Variants in ZBTB44 observed in about 807,000 individuals in gnomAD.
The protein encoded by ZBTB44 is zinc finger and BTB domain containing 44, also known as zinc finger and BTB domain-containing protein 44.
A neutral mutation model predicts 54.0 loss-of-function variants in ZBTB44; 15 were observed. That is an observed-to-expected ratio of 0.28 (90% CI 0.19 to 0.43). The LOEUF is 0.43. Ranked by LOEUF, ZBTB44 falls within the 20% of genes least tolerant of loss-of-function variation. The pLI is 1.00. For missense variants in ZBTB44, 487 were observed against 707.1 expected (o/e 0.69, Z 3.53); for synonymous variants, 230 against 250.1 (o/e 0.92, Z 0.76).
chr11:130,264,851 A>G (rs1232895171), intron 1 of ZBTB44, among the ~76,000 whole-genome samples: 1 of 152,172 alleles, frequency 6.6e-6, no homozygotes, highest in African/African-American at 2.4e-5. Context: ...ATTTGTGGCA[A>G]CCCTGCTGTC....
chr11:130,290,899 T>C (rs1244282978), intron 1 of ZBTB44, among the ~76,000 whole-genome samples: 1 of 152,240 alleles, frequency 6.6e-6, no homozygotes, highest in Non-Finnish European at 1.5e-5. Flanking sequence ...CTCGCTATTT[T>C]ATAATCTCTC....
intron 2 of ZBTB44, among the ~76,000 whole-genome samples, chr11:130,241,748 T>G (rs1378335421): frequency 6.6e-6 from 1 of 152,224 alleles, no homozygotes; most frequent in Non-Finnish European, 1.5e-5. Context: ...TTTTTGGTCT[T>G]GTTTTTAAAA....
In ZBTB44 at chr11:130,245,894, C is replaced by T. The variant is rs141083663; in HGVS notation, c.1019-5998G>A. On this transcript the variant is annotated intron_variant, in intron 2 of 7. Transcript: ENST00000357899. ...AAGCTGGTTGAAAAGAACTAAAATG[C>T]AGTACAAGATACATCTAGCAGATGG... is the stretch of plus-strand genomic sequence containing the variant. Among the ~76,000 whole-genome samples the T allele has an allele frequency of 2.8e-3, 434 of 152,318 alleles. 2 individuals are homozygous for T. The highest frequency in any genetic ancestry group is 4.2e-3 in the Non-Finnish European group (284 of 68,012).
chr11:130,283,583 TA>T (rs1940697312), intron 1 of ZBTB44, among the ~76,000 whole-genome samples: 1 of 152,196 alleles, frequency 6.6e-6, no homozygotes, highest in African/African-American at 2.4e-5. Context: ...TCATTTTTAA[TA>T]AACACAATTA....
In ZBTB44 at chr11:130,227,462, G is replaced by A. The variant is rs1054067230; in HGVS notation, c.*4302C>T. 1 of 149,780 alleles carries A rather than the reference G, an allele frequency of 6.7e-6. No individual in the cohort carries two copies. Among genetic ancestry groups the A allele is most frequent in the Admixed American group, 6.6e-5 (1 of 15,126 alleles). 9.3% of individuals were successfully genotyped at this position (149,780 alleles called of 1,614,324 possible). ...TTTCTCCCCTGCATCACCTTCCCTT[G>A]AGAGTTTCACAAAATGCCAGTGCCC... is the stretch of plus-strand genomic sequence containing the variant. On this transcript the variant is annotated 3_prime_UTR_variant, in exon 8 of 8. Coordinates refer to ENST00000357899, the MANE Select transcript of ZBTB44 (RefSeq NM_001301098.2).
intron 1 of ZBTB44, among the ~76,000 whole-genome samples, chr11:130,310,826 T>C (rs1033452843): frequency 1.3e-5 from 2 of 152,088 alleles, no homozygotes; most frequent in African/African-American, 4.8e-5. Flanking sequence ...CACTGCAACC[T>C]CCCCGGTTCA....
intron 1 of ZBTB44, among the ~76,000 whole-genome samples, chr11:130,295,314 T>A (rs757787864): frequency 6.6e-6 from 1 of 151,920 alleles, no homozygotes; most frequent in South Asian, 2.1e-4. Flanking sequence ...GTGGAAGATA[T>A]AAAACCTAAA....
chr11:130,292,711 A>G (rs984722368), intron 1 of ZBTB44, among the ~76,000 whole-genome samples: 4 of 152,222 alleles, frequency 2.6e-5, no homozygotes, highest in East Asian at 1.9e-4. Flanking sequence ...ACAACATACA[A>G]ACGTTTTGCA....
intron 1 of ZBTB44, among the ~76,000 whole-genome samples, chr11:130,275,342 T>A (rs546165905): frequency 2.6e-5 from 4 of 152,180 alleles, no homozygotes; most frequent in African/African-American, 2.4e-5. Flanking sequence ...TTTTCTTTTT[T>A]AAAATACATT....
At chr11:130,253,399 A>G (rs1938184794) in intron 2 of ZBTB44, among the ~76,000 whole-genome samples, 1 of 152,230 alleles carries the variant, frequency 6.6e-6, no homozygotes, top group South Asian at 2.1e-4. Flanking sequence ...ATGTGCAAAA[A>G]TCACAAGCAT....
At chr11:130,303,819 G>A (rs1270177650) in intron 1 of ZBTB44, among the ~76,000 whole-genome samples, 1 of 151,720 alleles carries the variant, frequency 6.6e-6, no homozygotes, top group South Asian at 2.1e-4. Flanking sequence ...GTATTAAAAG[G>A]GAAGAATATT....
In ZBTB44 at chr11:130,226,865, C is replaced by A. The variant is rs1332331419; in HGVS notation, c.*4899G>T. 2 of 151,846 alleles carry A rather than the reference C, an allele frequency of 1.3e-5. No homozygotes were observed. The highest frequency in any genetic ancestry group is 2.4e-5 in the African/African-American group (1 of 41,334). 9.4% of individuals were successfully genotyped at this position (151,846 alleles called of 1,614,324 possible). A position where few individuals can be genotyped will look rare whatever the true frequency, so the allele number is the denominator to read the frequency against. On this transcript the variant is annotated 3_prime_UTR_variant, in exon 8 of 8. Coordinates refer to ENST00000357899, the MANE Select transcript of ZBTB44 (RefSeq NM_001301098.2). The stretch of plus-strand genomic sequence containing the variant: ...ATTTTTTTTTTAAAAAAAGTTTAAA[C>A]CTTTTTTAAAAAGATTAAACAATCA...
chr11:130,287,965 C>CAAAA (rs535420591), intron 1 of ZBTB44, among the ~76,000 whole-genome samples: 1 of 86,462 alleles, frequency 1.2e-5, no homozygotes, highest in South Asian at 3.5e-4. Context: ...TTTTCTCAGA[C>CAAAA]AAAAAAAAAA....
intron 1 of ZBTB44, among the ~76,000 whole-genome samples, chr11:130,277,608 C>A (rs1178077000): frequency 2.6e-5 from 4 of 152,030 alleles, no homozygotes; most frequent in Non-Finnish European, 4.4e-5. Flanking sequence ...TATGTATATA[C>A]ATATAAAATA....
chr11:130,268,878 C>T (rs1939461597), intron 1 of ZBTB44, among the ~76,000 whole-genome samples: 1 of 150,890 alleles, frequency 6.6e-6, no homozygotes, highest in Non-Finnish European at 1.5e-5. Flanking sequence ...TCACGCTCGG[C>T]CTCAAATTTT....
intron 2 of ZBTB44, among the ~76,000 whole-genome samples, chr11:130,252,791 G>A (rs903485320): frequency 2.0e-5 from 3 of 152,174 alleles, no homozygotes; most frequent in Non-Finnish European, 2.9e-5. Flanking sequence ...TATCACTGAT[G>A]AACATCAATG....
At chr11:130,276,626 G>C (rs1286432972) in intron 1 of ZBTB44, among the ~76,000 whole-genome samples, 2 of 151,730 alleles carry the variant, frequency 1.3e-5, no homozygotes, top group African/African-American at 4.8e-5. Context: ...GTAGAGATAG[G>C]GTTTTACCAT....
chr11:130,246,617 A>T (rs1591946345), intron 2 of ZBTB44, among the ~76,000 whole-genome samples: 2 of 152,214 alleles, frequency 1.3e-5, no homozygotes, highest in Admixed American at 6.5e-5. Flanking sequence ...ACTTACAAAG[A>T]TCCCTCTGGA....
chr11:130,260,829 C>A (rs371479936), intron 2 of ZBTB44, 27 bp downstream of exon 2: 1 of 1,560,250 alleles, frequency 6.4e-7, no homozygotes, highest in South Asian at 1.2e-5. Context: ...CTTTATAGCA[C>A]CAAGAAAAAC....
Sources: gnomAD v4.1 joint callset for allele counts (sites outside exome capture counted in the v4.1 genomes callset) on GRCh38, gnomAD v4.1.1 for gene constraint, MANE v1.5 for transcripts, NCBI Gene and HGNC (gene_info 2026-07-23, HGNC 2026-07-21) for gene names.